The following TRERF1 variants were observed in gnomAD, a reference collection of about 807,000 sequenced individuals.
The protein encoded by TRERF1 is transcriptional regulating factor 1, also known as transcriptional-regulating factor 1.
TRERF1 carries 27 observed loss-of-function variants against 122.9 expected under a neutral mutation model. The ratio of observed to expected loss-of-function variants is 0.22; its 90% confidence interval spans 0.16 to 0.30. The LOEUF is 0.30. Ranked by LOEUF, TRERF1 falls within the 10% of genes least tolerant of loss-of-function variation. The pLI, the probability that TRERF1 is intolerant of heterozygous loss-of-function variation, is 1.00. For missense variants in TRERF1, 1,248 were observed against 1,560.3 expected (o/e 0.80, Z 3.37); for synonymous variants, 636 against 641.7 (o/e 0.99, Z 0.13).
At chr6:42,340,642 T>C (rs113085009) in intron 3 of TRERF1, among the ~76,000 whole-genome samples, 10,210 of 152,150 alleles carry the variant, frequency 0.067, 869 homozygotes, top group African/African-American at 0.19. Flanking sequence ...GCTCTGTCAC[T>C]CAGGCTGGAG....
At chr6:42,424,113 G>A (rs1007940292) in intron 2 of TRERF1, among the ~76,000 whole-genome samples, 3 of 152,184 alleles carry the variant, frequency 2.0e-5, no homozygotes, top group Non-Finnish European at 2.9e-5. Flanking sequence ...AACAATGTAT[G>A]TACCCATTCT....
rs183304218 is a variant in TRERF1 at position 42,309,784 on chromosome 6, T to C, written c.-370-9035A>G. 1.9e-3 allele frequency among the ~76,000 whole-genome samples: 294 copies of C among 152,350 alleles called. 2 individuals are homozygous for C. The highest frequency in any genetic ancestry group is 3.1e-3 in the Non-Finnish European group (214 of 68,034). ...ATAAACTTAAAAATTTACTTTATTT[T>C]ATTATTTTGTTTTATTTATTGAGAC... On this transcript the variant is annotated intron_variant, in intron 3 of 17. Coordinates refer to ENST00000372922, the Ensembl canonical transcript of TRERF1.
chr6:42,418,266 C>CTT (rs60655151), intron 2 of TRERF1, among the ~76,000 whole-genome samples: 3,112 of 36,996 alleles, frequency 0.084, 274 homozygotes, highest in Non-Finnish European at 0.12. Flanking sequence ...TTCTTTCTTT[C>CTT]TTTTTTTTTT....
chr6:42,249,333 A>G (rs1199153106), intron 13 of TRERF1, among the ~76,000 whole-genome samples: 2 of 152,228 alleles, frequency 1.3e-5, no homozygotes, highest in Non-Finnish European at 2.9e-5. Flanking sequence ...CAGTCTCTGC[A>G]GTGGATATAC....
chr6:42,429,624 G>A (rs924136959), intron 2 of TRERF1, among the ~76,000 whole-genome samples: 1 of 152,196 alleles, frequency 6.6e-6, no homozygotes, highest in Non-Finnish European at 1.5e-5. Flanking sequence ...CCTGAGATGT[G>A]ATAAAAGTCT....
chr6:42,257,652 A>T (rs1299477631), intron 10 of TRERF1, among the ~76,000 whole-genome samples: 1 of 152,292 alleles, frequency 6.6e-6, no homozygotes, highest in Non-Finnish European at 1.5e-5. Context: ...CAATCTACTC[A>T]CCACTCTACC....
In TRERF1 at chr6:42,393,365, C is replaced by A; in HGVS notation, c.-453-30286G>T. On this transcript the variant is annotated intron_variant, in intron 2 of 17. Coordinates refer to ENST00000372922, the Ensembl canonical transcript of TRERF1. This position sits in a 1 kb window ranked among gnomAD's most constrained non-coding sequence, Gnocchi z 4.1. ...ACATTGTCAGGGCTTGAACCAGTAT[C>A]TTCTGGGGCAGCCAAGGCCTCTCAT... 6.6e-6 allele frequency among the ~76,000 whole-genome samples: 1 copy of A among 152,226 alleles called. No homozygotes were observed. Among genetic ancestry groups the A allele is most frequent in the Non-Finnish European group, 1.5e-5 (1 of 68,036 alleles).
intron 3 of TRERF1, among the ~76,000 whole-genome samples, chr6:42,359,086 T>G (rs1771193485): frequency 6.6e-6 from 1 of 152,156 alleles, no homozygotes. Flanking sequence ...AGCCTCCTCC[T>G]CCTGGTTCTG....
At chr6:42,417,768 A>G (rs1315376959) in intron 2 of TRERF1, among the ~76,000 whole-genome samples, 1 of 152,162 alleles carries the variant, frequency 6.6e-6, no homozygotes, top group Admixed American at 6.5e-5. Flanking sequence ...GGCTCCAGGG[A>G]GTAACAGGAA....
chr6:42,330,995 G>C (rs774829690), intron 3 of TRERF1, among the ~76,000 whole-genome samples: 1 of 152,024 alleles, frequency 6.6e-6, no homozygotes, highest in Non-Finnish European at 1.5e-5. Context: ...TTTTTTTAAC[G>C]GGGAAGCTGT....
At chr6:42,340,450 T>C (rs73733147) in intron 3 of TRERF1, among the ~76,000 whole-genome samples, 8,190 of 152,218 alleles carry the variant, frequency 0.054, 529 homozygotes, top group East Asian at 0.18. Flanking sequence ...CGTCTACTTA[T>C]CAGCCCATAG....
In TRERF1 at chr6:42,228,091, T is replaced by G; in HGVS notation, c.*254A>C. On this transcript the variant is annotated 3_prime_UTR_variant, in exon 18 of 18. Transcript: ENST00000372922. The surrounding 1 kb of genome is among the most constrained non-coding windows in gnomAD (Gnocchi z 4.2). ...TCAGTCCCTACTGGGAATGATTTCA[T>G]GAGAAGGTAGCCCAGATGAAACACC... 2.6e-6 allele frequency: 1 copy of G among 378,926 alleles called. No homozygotes were observed. Among genetic ancestry groups the G allele is most frequent in the Non-Finnish European group, 4.7e-6 (1 of 212,038 alleles). 23.5% of individuals were successfully genotyped at this position (378,926 alleles called of 1,614,324 possible).
chr6:42,325,177 C>CA (rs1764080501), intron 3 of TRERF1, among the ~76,000 whole-genome samples: 1 of 152,182 alleles, frequency 6.6e-6, no homozygotes, highest in South Asian at 2.1e-4. Context: ...CTAATCATCA[C>CA]AGAAATGCAA....
At chr6:42,247,569 A>G (rs1184929157) in intron 13 of TRERF1, among the ~76,000 whole-genome samples, 1 of 152,202 alleles carries the variant, frequency 6.6e-6, no homozygotes, top group Non-Finnish European at 1.5e-5. Context: ...CCAGTTCTTG[A>G]CAGATTTGCC....
At chr6:42,335,421 A>G (rs1290602532) in intron 3 of TRERF1, among the ~76,000 whole-genome samples, 4 of 152,194 alleles carry the variant, frequency 2.6e-5, no homozygotes, top group African/African-American at 9.6e-5. Flanking sequence ...GTAACGCCAC[A>G]AGACAATTCT....
At chr6:42,290,508 C>T (rs1382062735) in intron 4 of TRERF1, among the ~76,000 whole-genome samples, 1 of 152,086 alleles carries the variant, frequency 6.6e-6, no homozygotes, top group South Asian at 2.1e-4. Flanking sequence ...CATGCATTTG[C>T]ACACAAATCT....
At chr6:42,373,673 C>CA (rs1019148896) in intron 2 of TRERF1, among the ~76,000 whole-genome samples, 7 of 151,026 alleles carry the variant, frequency 4.6e-5, no homozygotes, top group Non-Finnish European at 8.9e-5. Flanking sequence ...TCTAAAAAAA[C>CA]AAAAAAAATT....
chr6:42,344,085 GAGA>G (rs1216402788), intron 3 of TRERF1, among the ~76,000 whole-genome samples: 1 of 152,224 alleles, frequency 6.6e-6, no homozygotes, highest in Non-Finnish European at 1.5e-5. Flanking sequence ...CCACCTGAAG[GAGA>G]AGGAGCTGCG....
rs368354606 is a variant in TRERF1, at chr6:42,408,229, G to A, written c.-454+42948C>T. 4.6e-3 allele frequency among the ~76,000 whole-genome samples: 433 copies of A among 93,784 alleles called. 6 individuals are homozygous for A. The highest frequency in any genetic ancestry group is 0.012 in the South Asian group (35 of 3,018). The allele number at this position is 93,784 out of a possible 152,430, so 61.5% of individuals were successfully genotyped here. On this transcript the variant is annotated intron_variant, in intron 2 of 17. Transcript: ENST00000372922. ...TAAATAAATATATATATATATATAT[G>A]TGTGTGTGTATGTATATATACATAC...
Sources: gnomAD v4.1 joint callset for allele counts (sites outside exome capture counted in the v4.1 genomes callset) on GRCh38, gnomAD v4.1.1 for gene constraint, Gnocchi (gnomAD v3.1) non-coding constraint, MANE v1.5 for transcripts, NCBI Gene and HGNC (gene_info 2026-07-23, HGNC 2026-07-21) for gene names.